The following SLC12A7 variants were observed in gnomAD, a reference collection of about 807,000 sequenced individuals.
SLC12A7 encodes K-Cl cotransporter 4.
A neutral mutation model predicts 120.6 loss-of-function variants in SLC12A7; 100 were observed. The ratio of observed to expected loss-of-function variants is 0.83; its 90% confidence interval spans 0.71 to 0.98. The LOEUF (loss-of-function observed/expected upper bound fraction) is 0.98. Ranked by LOEUF, SLC12A7 falls within the 50% of genes least tolerant of loss-of-function variation. The pLI, the probability that SLC12A7 is intolerant of heterozygous loss-of-function variation, is 0.00. For missense variants in SLC12A7, 1,373 were observed against 1,548.1 expected, an observed-to-expected ratio of 0.89 and a Z score of 1.90; for synonymous variants, 760 against 678.0, an observed-to-expected ratio of 1.12 and a Z score of -1.88.
the SLC12A7 span, among the ~76,000 whole-genome samples, chr5:1,120,377 G>C: frequency 6.6e-6 from 1 of 152,248 alleles, no homozygotes; most frequent in Non-Finnish European, 1.5e-5. Flanking sequence ...TGAACCCGGA[G>C]GACAAGAGGG....
intron 8 of SLC12A7, 130 bp from the exon 9 acceptor site, chr5:1,081,874 C>A: frequency 9.3e-7 from 1 of 1,077,602 alleles, no homozygotes; most frequent in East Asian, 2.5e-5. Flanking sequence ...GCGCCGCAAG[C>A]AGGCTCCAAT....
chr5:1,090,651 G>A (rs187012443), intron 3 of SLC12A7, among the ~76,000 whole-genome samples: 6 of 152,318 alleles, frequency 3.9e-5, no homozygotes, highest in Admixed American at 6.5e-5. Flanking sequence ...CGCAGGAGCC[G>A]ACAGGCAGAG....
the SLC12A7 span, among the ~76,000 whole-genome samples, chr5:1,129,193 C>T: frequency 6.6e-6 from 1 of 152,226 alleles, no homozygotes; most frequent in African/African-American, 2.4e-5. Context: ...GACACCCCTC[C>T]AAGAGGCCTC....
the SLC12A7 span, among the ~76,000 whole-genome samples, chr5:1,146,538 A>G: frequency 6.6e-6 from 1 of 152,204 alleles, no homozygotes; most frequent in African/African-American, 2.4e-5. This position sits in a 1 kb window ranked among gnomAD's most constrained non-coding sequence, Gnocchi z 6.5. Flanking sequence ...GGACACCCCA[A>G]CGTTAACCAG....
At position 1,052,181 on chromosome 5, in the gene SLC12A7, G is replaced by C. The variant is rs1470433781; in HGVS notation, c.*179C>G. 1.6e-6 allele frequency: 1 copy of C among 613,308 alleles called. No individual in the cohort carries two copies. Among genetic ancestry groups the C allele is most frequent in the Non-Finnish European group, 2.9e-6 (1 of 342,342 alleles). The allele number at this position is 613,308 out of a possible 1,614,324, so 38.0% of individuals were successfully genotyped here. Reference sequence around the variant, plus strand: ...CTGATTTGCTGAGCCTGTTAAGGCTGAACAGGAGAGCCCTAGGTGACGGGC... The same window carrying C: ...CTGATTTGCTGAGCCTGTTAAGGCTCAACAGGAGAGCCCTAGGTGACGGGC... On this transcript the variant is annotated 3_prime_UTR_variant, in exon 24 of 24. Transcript: ENST00000264930.
rs371862246 is a variant in SLC12A7 at position 1,087,133 on chromosome 5, T to C, written c.545-100A>G. On this transcript the variant is annotated intron_variant, in intron 5 of 23. Coordinates refer to ENST00000264930, the MANE Select transcript of SLC12A7 (RefSeq NM_006598.3). The stretch of plus-strand genomic sequence containing the variant: ...ATTCACGGGCAAAGGAGGGCCTGTC[T>C]CTGCGAAGGCAGCGTGTAGACCCTC... 8 of 1,426,664 alleles carry C rather than the reference T, an allele frequency of 5.6e-6. No homozygotes were observed. The South Asian group carries it at 9.9e-5, about 18-fold the overall frequency. The allele number at this position is 1,426,664 out of a possible 1,614,324, so 88.4% of individuals were successfully genotyped here.
chr5:1,148,030 G>A, the SLC12A7 span, among the ~76,000 whole-genome samples: 1 of 152,032 alleles, frequency 6.6e-6, no homozygotes, highest in Non-Finnish European at 1.5e-5. Context: ...GGCTTTGCCT[G>A]TAACTTCTGT....
rs1737994447 is a variant in SLC12A7 at position 1,073,778 on chromosome 5, T to C, written c.2096A>G (p.Asn699Ser). The change falls in exon 17 of 24, where the codon AAC becomes AGC. Residue 699 changes from asparagine to serine, a missense_variant. Coordinates refer to ENST00000264930, the MANE Select transcript of SLC12A7 (RefSeq NM_006598.3). Reference sequence around the variant, plus strand: ...CTTCACGGCCTGCTCCGCGTCCAGGTTCAGCATCACCAGCACCTGGGGCCT... The same window carrying C: ...CTTCACGGCCTGCTCCGCGTCCAGGCTCAGCATCACCAGCACCTGGGGCCT... ...NWRPQVLVMLNLDAEQAVKHP... is the reference protein window; with the variant it reads ...NWRPQVLVMLSLDAEQAVKHP... The C allele has an allele frequency of 6.9e-7, 1 of 1,458,920 alleles. No individual in the cohort carries two copies. The highest frequency in any genetic ancestry group is 1.5e-5 in the South Asian group (1 of 66,794). The allele number at this position is 1,458,920 out of a possible 1,614,324, so 90.4% of individuals were successfully genotyped here.
the SLC12A7 span, among the ~76,000 whole-genome samples, chr5:1,136,249 C>G: frequency 3.3e-5 from 5 of 151,332 alleles, no homozygotes; most frequent in Admixed American, 3.3e-4. Context: ...TCCAACCCAG[C>G]TCCGAGAAAT....
At chr5:1,128,417 T>C in the SLC12A7 span, among the ~76,000 whole-genome samples, 16 of 152,316 alleles carry the variant, frequency 1.1e-4, 1 homozygote, top group African/African-American at 3.8e-4. Context: ...GGAGGCAGGA[T>C]GGGACATCTC....
At position 1,086,977 on chromosome 5, in the gene SLC12A7, C is replaced by G. The variant is rs543623756; in HGVS notation, c.601G>C (p.Val201Leu). 8.1e-6 allele frequency: 13 copies of G among 1,612,876 alleles called. No individual in the cohort carries two copies. Among genetic ancestry groups the G allele is most frequent in the Admixed American group, 1.7e-5 (1 of 60,020 alleles). ...GTGCCCAGGTAGAAGCAGAGGCCGA[C>G]AGCGCCTCCAAACTCGGGTCCCAGC... is the stretch of plus-strand genomic sequence containing the variant. ...RSLGPEFGGAVGLCFYLGTTF... is the reference protein window; with the variant it reads ...RSLGPEFGGALGLCFYLGTTF... The change falls in exon 6 of 24, where the codon GTC (valine) becomes CTC (leucine). Residue 201 changes from valine (V) to leucine (L), a missense_variant. Val to Leu is a conservative substitution (Grantham distance 32). Transcript: ENST00000264930.
chr5:1,126,977 G>A, the SLC12A7 span, among the ~76,000 whole-genome samples: 1 of 152,212 alleles, frequency 6.6e-6, no homozygotes, highest in Non-Finnish European at 1.5e-5. Context: ...ATGAAGATGA[G>A]GTCATCCTGG....
In SLC12A7 at chr5:1,076,245, A is replaced by ACGGC. The variant is rs1561061203; in HGVS notation, c.1749-13_1749-10dup. On this transcript the variant is annotated splice_polypyrimidine_tract_variant and intron_variant, in intron 13 of 23. Transcript: ENST00000264930. The stretch of plus-strand genomic sequence containing the variant: ...AGCACATGAGGAAGAACCTGCAGGG[A>ACGGC]CGGCCGGCCACTGATACGGGCCCAC... 1 of 1,597,980 alleles carries ACGGC rather than the reference A, an allele frequency of 6.3e-7. No individual in the cohort carries two copies. The highest frequency in any genetic ancestry group is 2.3e-5 in the East Asian group (1 of 44,198).
chr5:1,089,447 G>A (rs969995702), intron 3 of SLC12A7, among the ~76,000 whole-genome samples: 2 of 152,072 alleles, frequency 1.3e-5, no homozygotes, highest in Non-Finnish European at 2.9e-5. Context: ...GGGAGAACGA[G>A]AGGGCCCCCG....
chr5:1,119,832 G>A, the SLC12A7 span, among the ~76,000 whole-genome samples: 4 of 152,240 alleles, frequency 2.6e-5, no homozygotes, highest in South Asian at 2.1e-4. Context: ...GCTGGGGGGC[G>A]GTGCCCAGCT....
intron 20 of SLC12A7, among the ~76,000 whole-genome samples, chr5:1,062,039 G>A (rs529557020): frequency 2.0e-5 from 3 of 152,336 alleles, no homozygotes; most frequent in East Asian, 1.9e-4. Context: ...GCTACGGAGG[G>A]GTGGGCAGCC....
chr5:1,079,410 T>A lies in SLC12A7; in HGVS notation c.1384A>T (p.Thr462Ser). 1 of 1,612,474 alleles carries A rather than the reference T, an allele frequency of 6.2e-7. No individual in the cohort carries two copies. Among genetic ancestry groups the A allele is most frequent in the African/African-American group, 1.3e-5 (1 of 75,014 alleles). Residue 462 changes from threonine to serine, a missense_variant, in exon 10 of 24, where the codon ACG (threonine) becomes TCG (serine). Thr to Ser is a moderately conservative substitution (Grantham distance 58, BLOSUM62 1). Coordinates refer to ENST00000264930, the MANE Select transcript of SLC12A7 (RefSeq NM_006598.3). ...CCTCCAAGGATACAGATGAAAGACG[T>A]CGTCACTATGGCCAGGATGGTCCCC... Reference protein sequence around the residue: ...PTGTILAIVTTSFIYLSCIVL... With the variant: ...PTGTILAIVTSSFIYLSCIVL...
chr5:1,127,082 T>A, the SLC12A7 span, among the ~76,000 whole-genome samples: 1 of 152,082 alleles, frequency 6.6e-6, no homozygotes, highest in Non-Finnish European at 1.5e-5. Flanking sequence ...TGGCGCAATC[T>A]CGGCTCACTG....
chr5:1,087,683 G>T (rs904057453), intron 5 of SLC12A7, among the ~76,000 whole-genome samples: 2 of 152,386 alleles, frequency 1.3e-5, no homozygotes, highest in East Asian at 3.9e-4. Context: ...GGGACCAGCT[G>T]CGTGAGGACC....
Sources: gnomAD v4.1 joint callset for allele counts (sites outside exome capture counted in the v4.1 genomes callset) on GRCh38, gnomAD v4.1.1 for gene constraint, Gnocchi (gnomAD v3.1) non-coding constraint, MANE v1.5 for transcripts, NCBI Gene and HGNC (gene_info 2026-07-23, HGNC 2026-07-21) for gene names.